EPC1: variants seen among roughly 807,000 people sequenced by gnomAD.
The protein encoded by EPC1 is enhancer of polycomb 1, also known as enhancer of polycomb homolog 1.
A neutral mutation model predicts 98.4 loss-of-function variants in EPC1; 12 were observed. The ratio of observed to expected loss-of-function variants is 0.12; its 90% CI spans 0.08 to 0.20. EPC1 has a LOEUF of 0.20. EPC1 is among the 10% of genes least tolerant of loss of function. EPC1 has a pLI of 1.00. For missense variants in EPC1, 729 were observed against 990.5 expected, an observed-to-expected ratio of 0.74 and a Z score of 3.54; for synonymous variants, 357 against 363.9, an observed-to-expected ratio of 0.98 and a Z score of 0.21.
intron 1 of EPC1, among the ~76,000 whole-genome samples, chr10:32,352,433 A>G (rs1020705387): frequency 1.3e-5 from 2 of 152,110 alleles, no homozygotes; most frequent in African/African-American, 4.8e-5. Flanking sequence ...TGTTTTGGAC[A>G]CTAAGTAAAA....
chr10:32,364,664 A>T (rs1839544743), intron 1 of EPC1, among the ~76,000 whole-genome samples: 1 of 152,158 alleles, frequency 6.6e-6, no homozygotes, highest in African/African-American at 2.4e-5. Flanking sequence ...TAGTTTATAG[A>T]AAATAGGGAA....
upstream of EPC1, among the ~76,000 whole-genome samples, chr10:32,349,939 A>G (rs1371596959): frequency 6.6e-6 from 1 of 152,172 alleles, no homozygotes; most frequent in African/African-American, 2.4e-5. Flanking sequence ...TCTTCACCTT[A>G]AGGGACAGGA....
intron 1 of EPC1, among the ~76,000 whole-genome samples, chr10:32,360,493 TAGTG>T (rs1202827580): frequency 5.9e-5 from 9 of 152,154 alleles, no homozygotes; most frequent in African/African-American, 2.2e-4. Context: ...CCACATAGTG[TAGTG>T]AGACACAGCA....
At chr10:32,351,375 G>A (rs889863406), upstream of EPC1, among the ~76,000 whole-genome samples, 3 of 152,064 alleles carry the variant, frequency 2.0e-5, no homozygotes, top group Non-Finnish European at 2.9e-5. Context: ...TCAGCATGTC[G>A]GCTGGGTGCG....
chr10:32,294,611 G>A lies in EPC1; in HGVS notation c.314-874C>T, dbSNP rs138759016. On this transcript the variant is annotated intron_variant, in intron 2 of 13. Coordinates refer to ENST00000319778, the MANE Select transcript of EPC1 (RefSeq NM_001272004.3). ...GCCTAGGAAGTTTGTTTCTCTACGC[G>A]AACACTGTCATGCTGATGGAAATGG... 3.6e-3 allele frequency among the ~76,000 whole-genome samples: 553 copies of A among 152,230 alleles called. 4 individuals are homozygous for A. The highest frequency in any genetic ancestry group is 0.013 in the African/African-American group (525 of 41,526).
upstream of EPC1, among the ~76,000 whole-genome samples, chr10:32,349,878 G>A (rs796821469): frequency 3.9e-5 from 6 of 152,312 alleles, no homozygotes; most frequent in African/African-American, 1.4e-4. Context: ...GGGATTACAG[G>A]TGTGAGCCAC....
chr10:32,340,085 C>T (rs1049723536), intron 1 of EPC1, among the ~76,000 whole-genome samples: 3 of 152,226 alleles, frequency 2.0e-5, no homozygotes, highest in Admixed American at 6.5e-5. Context: ...TCAGTCAGTA[C>T]TTGCTATACT....
chr10:32,301,082 C>CTATG (rs1835503841), intron 2 of EPC1, among the ~76,000 whole-genome samples: 1 of 152,104 alleles, frequency 6.6e-6, no homozygotes, highest in East Asian at 1.9e-4. Context: ...ATCTATCTAT[C>CTATG]TATCTATCTG....
At chr10:32,338,742 T>A (rs1411865500) in intron 1 of EPC1, among the ~76,000 whole-genome samples, 3 of 152,182 alleles carry the variant, frequency 2.0e-5, no homozygotes, top group South Asian at 2.1e-4. Context: ...AAGAAAATTA[T>A]CCTTCTCCTT....
At chr10:32,335,630 C>G (rs1837913135) in intron 1 of EPC1, among the ~76,000 whole-genome samples, 1 of 152,188 alleles carries the variant, frequency 6.6e-6, no homozygotes, top group Non-Finnish European at 1.5e-5. Flanking sequence ...CAGCATCACT[C>G]TCTCCCTAAA....
At chr10:32,336,159 C>G (rs2505401) in intron 1 of EPC1, among the ~76,000 whole-genome samples, 11 of 150,870 alleles carry the variant, frequency 7.3e-5, no homozygotes, top group Admixed American at 7.2e-4. Context: ...ACTCCCACCT[C>G]CCAGGTTCAA....
In EPC1 at chr10:32,309,493, CTT is replaced by C. The variant is rs67775039; in HGVS notation, c.154-3564_154-3563del. On this transcript the variant is annotated intron_variant, in intron 1 of 13. Transcript: ENST00000319778. ...ACTTGCAACTGGGAGTATTTTCAAG[CTT>C]TTTTTTTTTTTTCTTTTCCCATTCC... Among the ~76,000 whole-genome samples, 103 of 142,452 alleles carry C rather than the reference CTT, an allele frequency of 7.2e-4. 1 individual carries two copies. The South Asian group carries it at 0.02, about 28-fold the overall frequency. The allele number at this position is 142,452 out of a possible 152,430, so 93.5% of individuals were successfully genotyped here.
Position 32,305,929 on chromosome 10 carries a change from T to C in EPC1, c.156A>G (p.Glu52=), listed in dbSNP as rs1835849719. Residue 52 remains glutamate (E), a splice_region_variant and synonymous_variant, in exon 2 of 14, where the codon GAA becomes GAG. Transcript: ENST00000319778. ...CTGAAATAGCCCGCTGAAGATGATG[T>C]TCCTAAAAAGAAGAAAAAACAGGTA... The part of the protein sequence containing the change: ...PTGMEKEEES[E]HHLQRAISAQ... 1 of 1,595,896 alleles carries C rather than the reference T, an allele frequency of 6.3e-7. No individual in the cohort carries two copies. Among genetic ancestry groups the C allele is most frequent in the Non-Finnish European group, 8.5e-7 (1 of 1,174,002 alleles).
At chr10:32,327,087 A>ACACACACT (rs1554822845) in intron 1 of EPC1, among the ~76,000 whole-genome samples, 3 of 151,356 alleles carry the variant, frequency 2.0e-5, no homozygotes, top group African/African-American at 7.3e-5. Flanking sequence ...ACACACACAC[A>ACACACACT]CACTCACAAT....
At chr10:32,340,278 C>A (rs144924018) in intron 1 of EPC1, among the ~76,000 whole-genome samples, 1 of 152,176 alleles carries the variant, frequency 6.6e-6, no homozygotes, top group Admixed American at 6.5e-5. Flanking sequence ...CAAAGCTACA[C>A]CTCAGATAAC....
At chr10:32,272,961 C>T (rs935537984) in intron 11 of EPC1, 35 of 1,451,334 alleles carry the variant, frequency 2.4e-5, no homozygotes, top group Non-Finnish European at 3.4e-5. Context: ...TAACTAAGTG[C>T]TTTAGTTTTA....
At chr10:32,274,976 T>C (rs1191185565) in intron 10 of EPC1, among the ~76,000 whole-genome samples, 1 of 152,230 alleles carries the variant, frequency 6.6e-6, no homozygotes, top group African/African-American at 2.4e-5. Context: ...TACAGTTTAA[T>C]TTCCTAAGTT....
chr10:32,273,297 A>C lies in EPC1; in HGVS notation c.1745-16T>G. 2.5e-6 allele frequency: 4 copies of C among 1,612,398 alleles called. No homozygotes were observed. The highest frequency in any genetic ancestry group is 3.4e-6 in the Non-Finnish European group (4 of 1,178,968). ...GCTGTAAATGCTGAACATAAAATAAAGAAACACTTTATAAAAATGCCCAGC... is the reference window on the plus strand; with the variant it reads ...GCTGTAAATGCTGAACATAAAATAACGAAACACTTTATAAAAATGCCCAGC... On this transcript the variant is annotated splice_polypyrimidine_tract_variant and intron_variant, in intron 10 of 13. Coordinates refer to ENST00000319778, the MANE Select transcript of EPC1 (RefSeq NM_001272004.3).
chr10:32,277,503 T>C (rs1592535732), intron 10 of EPC1, among the ~76,000 whole-genome samples: 1 of 152,226 alleles, frequency 6.6e-6, no homozygotes, highest in South Asian at 2.1e-4. Context: ...TAGAAATACT[T>C]AGGCAGAAGT....
Sources: gnomAD v4.1 joint callset for allele counts (sites outside exome capture counted in the v4.1 genomes callset) on GRCh38, gnomAD v4.1.1 for gene constraint, MANE v1.5 for transcripts, NCBI Gene and HGNC (gene_info 2026-07-23, HGNC 2026-07-21) for gene names.